DGKB: variants seen among roughly 807,000 people sequenced by gnomAD.
DGKB encodes the protein diacylglycerol kinase beta, also known as 90 kDa diacylglycerol kinase.
In DGKB, 67 loss-of-function variants were observed where a neutral mutation model predicts 114.3. The ratio of observed to expected loss-of-function variants is 0.59; its 90% CI spans 0.48 to 0.72. DGKB has a LOEUF of 0.72. DGKB is among the 30% of genes least tolerant of loss of function. The pLI is 0.00. For synonymous variants in DGKB, 398 were observed against 323.1 expected (o/e 1.23, Z -2.49); for missense variants, 907 against 975.2 (o/e 0.93, Z 0.93).
chr7:14,779,541 AC>A (rs1440395676), intron 2 of DGKB, among the ~76,000 whole-genome samples: 1 of 152,216 alleles, frequency 6.6e-6, no homozygotes, highest in Non-Finnish European at 1.5e-5. Context: ...TATGATTATA[AC>A]CATCAATTAA....
In DGKB at chr7:14,957,595, C is replaced by T. The variant is rs895044722; in HGVS notation, c.-188+17101G>A. 2.0e-5 allele frequency among the ~76,000 whole-genome samples: 3 copies of T among 151,988 alleles called. No individual in the cohort carries two copies. The South Asian group carries it at 6.2e-4, about 31-fold the overall frequency. ...CCTAACAATGATCTTGAAACTCCTT[C>T]TTTATAAGTTACATATTGCCATTTA... On this transcript the variant is annotated intron_variant, in intron 1 of 4. Coordinates refer to the DGKB transcript ENST00000437998.
At chr7:14,952,447 C>G (rs553515155) in intron 1 of DGKB, among the ~76,000 whole-genome samples, 2 of 151,988 alleles carry the variant, frequency 1.3e-5, no homozygotes, top group South Asian at 2.1e-4. Context: ...TCTAAGAACT[C>G]AGAAGTTTGG....
intron 17 of DGKB, among the ~76,000 whole-genome samples, chr7:14,606,855 G>C (rs1804610355): frequency 1.3e-5 from 2 of 151,942 alleles, no homozygotes; most frequent in African/African-American, 4.8e-5. Flanking sequence ...ATATTGATTA[G>C]ATTTGGTAAG....
rs566695789 is a variant in DGKB, at chr7:14,188,476, C to T, written c.2123-10325G>A. Among the ~76,000 whole-genome samples the T allele has an allele frequency of 8.8e-5, 11 of 124,616 alleles. No individual in the cohort carries two copies. In the South Asian group the frequency reaches 2.3e-3, roughly 26 times the overall value. The allele number at this position is 124,616 out of a possible 152,430, so 81.8% of individuals were successfully genotyped here. ...GAGATCGAGACCATCCCGGCTAAAA[C>T]GGTGAAACCCCGTCTCTACTAAAAA... On this transcript the variant is annotated intron_variant, in intron 23 of 25. Transcript: ENST00000402815.
chr7:14,409,728 A>AAAG (rs1824543994), intron 21 of DGKB, among the ~76,000 whole-genome samples: 1 of 149,312 alleles, frequency 6.7e-6, no homozygotes, highest in Non-Finnish European at 1.5e-5. Flanking sequence ...AAAAAAAAAA[A>AAAG]AAAAAAAAAA....
intron 25 of DGKB, among the ~76,000 whole-genome samples, chr7:14,160,620 A>C (rs1783739433): frequency 6.6e-6 from 1 of 152,190 alleles, no homozygotes. Context: ...TCAAGGAAAT[A>C]AGAGAGGATA....
intron 23 of DGKB, among the ~76,000 whole-genome samples, chr7:14,266,628 G>C (rs1031261408): frequency 6.6e-6 from 1 of 152,034 alleles, no homozygotes; most frequent in Non-Finnish European, 1.5e-5. Context: ...AAATACCAAC[G>C]TACCAAAATA....
chr7:14,865,920 A>G (rs1402400568), intron 1 of DGKB, among the ~76,000 whole-genome samples: 2 of 152,176 alleles, frequency 1.3e-5, no homozygotes, highest in Non-Finnish European at 2.9e-5. Context: ...GACCACTTAA[A>G]ATATAACTTT....
At chr7:14,403,049 A>G (rs1823379586) in intron 21 of DGKB, among the ~76,000 whole-genome samples, 1 of 151,888 alleles carries the variant, frequency 6.6e-6, no homozygotes, top group African/African-American at 2.4e-5. Flanking sequence ...CTCTCTGTGT[A>G]TCATTCTCAA....
At chr7:14,457,117 C>G (rs1221239378) in intron 21 of DGKB, among the ~76,000 whole-genome samples, 1 of 152,074 alleles carries the variant, frequency 6.6e-6, no homozygotes, top group African/African-American at 2.4e-5. Flanking sequence ...CTTCAGTCAC[C>G]ACACAGATAC....
chr7:14,918,670 G>C (rs1469573250), intron 1 of DGKB, among the ~76,000 whole-genome samples: 2 of 152,062 alleles, frequency 1.3e-5, no homozygotes, highest in African/African-American at 4.8e-5. Context: ...ATATTGTTTT[G>C]ATGTCAATAT....
In DGKB at chr7:14,369,480, G is replaced by A. The variant is rs186380236; in HGVS notation, c.1836-24089C>T. On this transcript the variant is annotated intron_variant, in intron 21 of 25. Transcript: ENST00000402815. The stretch of plus-strand genomic sequence containing the variant: ...CAAATGGTATTTCTGGTTCTAGATC[G>A]TTGAGGAATTGCCACATTGTCTTCC... Among the ~76,000 whole-genome samples, 133 of 152,134 alleles carry A rather than the reference G, an allele frequency of 8.7e-4. 1 individual carries two copies. The highest frequency in any genetic ancestry group is 1.2e-3 in the South Asian group (6 of 4,826).
intron 17 of DGKB, among the ~76,000 whole-genome samples, chr7:14,599,595 C>G (rs1432358512): frequency 1.3e-5 from 2 of 152,156 alleles, no homozygotes. Context: ...ATGCACACTC[C>G]TTGTTTACAT....
intron 2 of DGKB, among the ~76,000 whole-genome samples, chr7:14,782,298 T>C (rs1839232361): frequency 1.3e-5 from 2 of 152,158 alleles, no homozygotes; most frequent in Admixed American, 1.3e-4. Context: ...AGTGCTGGGA[T>C]TACAGGTGTG....
chr7:14,795,121 TAAACTC>T (rs1841219368), intron 2 of DGKB, among the ~76,000 whole-genome samples: 1 of 152,230 alleles, frequency 6.6e-6, no homozygotes, highest in Non-Finnish European at 1.5e-5. Flanking sequence ...GGAGGTATGT[TAAACTC>T]AAACAAACTA....
chr7:14,701,012 C>T (rs1018042352), intron 7 of DGKB, among the ~76,000 whole-genome samples: 1 of 152,090 alleles, frequency 6.6e-6, no homozygotes, highest in East Asian at 1.9e-4. Context: ...AGACTAAGAA[C>T]TACTTTCTAT....
intron 20 of DGKB, among the ~76,000 whole-genome samples, chr7:14,535,378 G>GAA (rs111762380): frequency 8.1e-6 from 1 of 123,658 alleles, no homozygotes; most frequent in African/African-American, 2.9e-5. Flanking sequence ...CTTAAAAAAA[G>GAA]AAAAAAAAAA....
chr7:14,661,985 C>T (rs76486472), intron 13 of DGKB, among the ~76,000 whole-genome samples: 2 of 151,938 alleles, frequency 1.3e-5, no homozygotes, highest in African/African-American at 2.4e-5. Context: ...TATTCTCACT[C>T]ATAGGTGGGA....
At chr7:14,518,353 A>G (rs578177922) in intron 20 of DGKB, among the ~76,000 whole-genome samples, 2 of 152,112 alleles carry the variant, frequency 1.3e-5, no homozygotes, top group African/African-American at 4.8e-5. Context: ...AAAACTACCT[A>G]TTGGGTACTG....
Sources: gnomAD v4.1 joint callset for allele counts (sites outside exome capture counted in the v4.1 genomes callset) on GRCh38, gnomAD v4.1.1 for gene constraint, MANE v1.5 for transcripts, NCBI Gene and HGNC (gene_info 2026-07-23, HGNC 2026-07-21) for gene names.